The following CPE variants were observed in gnomAD, a reference collection of about 807,000 sequenced individuals.
CPE encodes the protein carbocypeptidase E.
CPE carries 17 observed loss-of-function variants against 53.5 expected under a neutral mutation model. The observed-to-expected ratio is 0.32, with a 90% confidence interval of 0.22 to 0.48. The LOEUF (loss-of-function observed/expected upper bound fraction) is 0.48, where lower values mean the gene tolerates loss of function less well. Ranked by LOEUF, CPE falls within the 20% of genes least tolerant of loss-of-function variation. The probability of loss-of-function intolerance (pLI) is 0.99; values close to 1 mark genes in which losing one functional copy is unlikely to be tolerated. For missense variants in CPE, 524 were observed against 614.7 expected, an observed-to-expected ratio of 0.85 and a Z score of 1.56; for synonymous variants, 226 against 228.8, an observed-to-expected ratio of 0.99 and a Z score of 0.11.
chr4:165,403,305 G>T (rs1163601556), intron 1 of CPE, among the ~76,000 whole-genome samples: 2 of 151,950 alleles, frequency 1.3e-5, no homozygotes, highest in African/African-American at 4.8e-5. Context: ...AATGTGAAAA[G>T]AAAACAGTGT....
At chr4:165,394,279 A>G (rs1332588089) in intron 1 of CPE, among the ~76,000 whole-genome samples, 2 of 152,242 alleles carry the variant, frequency 1.3e-5, no homozygotes, top group Non-Finnish European at 2.9e-5. Flanking sequence ...ACTGTTCCAT[A>G]TAAGTTACAA....
intron 6 of CPE, among the ~76,000 whole-genome samples, chr4:165,492,475 G>C (rs1454000566): frequency 2.6e-5 from 4 of 152,114 alleles, no homozygotes; most frequent in African/African-American, 7.2e-5. Flanking sequence ...AAACCCCTCA[G>C]ACACCGAGTT....
At chr4:165,415,207 G>C (rs1038514027) in intron 1 of CPE, 23 of 167,142 alleles carry the variant, frequency 1.4e-4, no homozygotes, top group African/African-American at 5.5e-4. Context: ...CCATGGCAGT[G>C]AGTTAATCTA....
chr4:165,396,886 C>CAA (rs34670477), intron 1 of CPE, among the ~76,000 whole-genome samples: 2,276 of 124,922 alleles, frequency 0.018, 50 homozygotes, highest in African/African-American at 0.06. Context: ...CCTGTCGCCA[C>CAA]AAAAAAAAAA....
chr4:165,379,054 G>C lies in CPE; in HGVS notation c.-168G>C. On this transcript the variant is annotated 5_prime_UTR_variant, in exon 1 of 9. Coordinates refer to ENST00000402744, the MANE Select transcript of CPE (RefSeq NM_001873.4). The surrounding 1 kb of genome is among the most constrained non-coding windows in gnomAD (Gnocchi z 6.0). ...GCGGCTTTGCCCGTCTCCTCTGGGT[G>C]GCCCCAGTGCGCGGGCTGACACTCA... 1 of 520,362 alleles carries C rather than the reference G, an allele frequency of 1.9e-6. No homozygotes were observed. Among genetic ancestry groups the C allele is most frequent in the Non-Finnish European group, 2.8e-6 (1 of 351,092 alleles). 32.2% of individuals were successfully genotyped at this position (520,362 alleles called of 1,614,324 possible). A position where few individuals can be genotyped will look rare whatever the true frequency, so the allele number is the denominator to read the frequency against.
chr4:165,427,977 G>A (rs909552512), intron 1 of CPE, among the ~76,000 whole-genome samples: 3 of 151,958 alleles, frequency 2.0e-5, no homozygotes, highest in African/African-American at 7.3e-5. Flanking sequence ...TTCTATTTCA[G>A]ATTATGCATT....
At chr4:165,389,305 G>A (rs1056181136) in intron 1 of CPE, among the ~76,000 whole-genome samples, 22 of 152,100 alleles carry the variant, frequency 1.4e-4, no homozygotes, top group African/African-American at 5.1e-4. Context: ...TATATTTATA[G>A]ATTTCACTCC....
chr4:165,469,036 T>C (rs1579275858), intron 3 of CPE, among the ~76,000 whole-genome samples: 2 of 152,190 alleles, frequency 1.3e-5, no homozygotes, highest in South Asian at 4.1e-4. Context: ...AGGATAAGGA[T>C]TGAATGAGTT....
At chr4:165,398,077 C>G (rs1040794388) in intron 1 of CPE, among the ~76,000 whole-genome samples, 2 of 140,004 alleles carry the variant, frequency 1.4e-5, no homozygotes, top group East Asian at 4.1e-4. Flanking sequence ...AAAAACAAAA[C>G]CCCACTAAGG....
intron 1 of CPE, among the ~76,000 whole-genome samples, chr4:165,461,873 T>C (rs939893602): frequency 6.6e-6 from 1 of 152,240 alleles, no homozygotes; most frequent in African/African-American, 2.4e-5. Context: ...TAACATTATA[T>C]AGTGATCTAA....
intron 1 of CPE, among the ~76,000 whole-genome samples, chr4:165,422,705 C>G (rs1423203922): frequency 6.6e-6 from 1 of 152,120 alleles, no homozygotes; most frequent in Middle Eastern, 3.4e-3. Flanking sequence ...GGGCCAGGTG[C>G]GGTGGCTCAG....
rs914159719 is a variant in CPE at position 165,454,977 on chromosome 4, C to G, written c.308-9413C>G. Among the ~76,000 whole-genome samples, 98 of 152,198 alleles carry G rather than the reference C, an allele frequency of 6.4e-4. 1 individual carries two copies. Among genetic ancestry groups the G allele is most frequent in the Non-Finnish European group, 1.6e-4 (11 of 68,036 alleles). ...CTGCTTCTGTGGGAATTAATGACTT[C>G]TACTGACTGTAGATTTGTCTGGAGT... On this transcript the variant is annotated intron_variant, in intron 1 of 8. Transcript: ENST00000402744.
At chr4:165,414,925 A>G (rs1363197521) in intron 1 of CPE, among the ~76,000 whole-genome samples, 3 of 152,056 alleles carry the variant, frequency 2.0e-5, no homozygotes, top group Non-Finnish European at 4.4e-5. Context: ...AAAAACAGCC[A>G]TTATTTAAAA....
intron 1 of CPE, among the ~76,000 whole-genome samples, chr4:165,436,656 A>T (rs1328238852): frequency 6.6e-6 from 1 of 152,198 alleles, no homozygotes; most frequent in Non-Finnish European, 1.5e-5. Context: ...TTTCTGGATC[A>T]TCTTAGACAG....
intron 1 of CPE, among the ~76,000 whole-genome samples, chr4:165,407,567 A>T (rs1426804615): frequency 7.6e-5 from 11 of 144,996 alleles, no homozygotes; most frequent in Non-Finnish European, 1.7e-4. Context: ...TTTTTTTTTG[A>T]GATGGAGTCT....
At chr4:165,463,642 C>T (rs1219374314) in intron 1 of CPE, among the ~76,000 whole-genome samples, 1 of 152,142 alleles carries the variant, frequency 6.6e-6, no homozygotes, top group East Asian at 1.9e-4. Context: ...CTTCCCAGGC[C>T]ATGTAACTAT....
chr4:165,454,754 TAC>T (rs1191435691), intron 1 of CPE, among the ~76,000 whole-genome samples: 3 of 152,254 alleles, frequency 2.0e-5, no homozygotes, highest in African/African-American at 4.8e-5. Context: ...TATGATGACG[TAC>T]AGTTTTCTCT....
intron 1 of CPE, among the ~76,000 whole-genome samples, chr4:165,394,597 C>T (rs572124350): frequency 2.0e-5 from 3 of 152,086 alleles, no homozygotes; most frequent in South Asian, 4.1e-4. Context: ...AAAACATACT[C>T]GTGTTGATCT....
chr4:165,412,732 A>G (rs1376116785), intron 1 of CPE, among the ~76,000 whole-genome samples: 1 of 152,246 alleles, frequency 6.6e-6, no homozygotes, highest in East Asian at 1.9e-4. Context: ...CTTCACATTT[A>G]AAAAATATGA....
Sources: allele counts gnomAD v4.1 joint callset (sites outside exome capture counted in the v4.1 genomes callset), GRCh38; gene constraint gnomAD v4.1.1; non-coding constraint Gnocchi (gnomAD v3.1); transcripts MANE v1.5; gene names NCBI Gene and HGNC (gene_info 2026-07-23, HGNC 2026-07-21).